Variants in MGAT1 observed in about 807,000 individuals in gnomAD.
MGAT1 encodes N-glycosyl-oligosaccharide-glycoprotein N-acetylglucosaminyltransferase I.
MGAT1 carries 14 observed loss-of-function variants against 31.7 expected under a neutral mutation model. The observed-to-expected ratio is 0.44, with a 90% CI of 0.29 to 0.69. The LOEUF (loss-of-function observed/expected upper bound fraction) is 0.69, where lower values mean the gene tolerates loss of function less well. Ranked by LOEUF, MGAT1 falls within the 30% of genes least tolerant of loss-of-function variation. The probability of loss-of-function intolerance (pLI) is 0.12; values close to 1 mark genes in which losing one functional copy is unlikely to be tolerated. For missense variants in MGAT1, 557 were observed against 626.0 expected, an observed-to-expected ratio of 0.89 and a Z score of 1.18; for synonymous variants, 338 against 276.0, an observed-to-expected ratio of 1.22 and a Z score of -2.23.
chr5:180,799,109 G>A (rs1247323901), intron 1 of MGAT1, among the ~76,000 whole-genome samples: 1 of 152,120 alleles, frequency 6.6e-6, no homozygotes, highest in African/African-American at 2.4e-5. Context: ...TTCCTGACAA[G>A]TACACCTGGT....
intron 1 of MGAT1, among the ~76,000 whole-genome samples, chr5:180,794,688 GTGC>G (rs74635234): frequency 0.12 from 18,869 of 152,066 alleles, 1,237 homozygotes; most frequent in East Asian, 0.24. Flanking sequence ...CTGTGTGGTG[GTGC>G]TGCCGGAGGT....
chr5:180,811,157 A>G (rs2113606238), intron 1 of MGAT1: 1 of 152,288 alleles, frequency 6.6e-6, no homozygotes, highest in African/African-American at 2.4e-5. Context: ...CTGGGGATGG[A>G]TTTGCAGCCT....
At chr5:180,815,272 A>G (rs1772806585) in intron 1 of MGAT1, 1 of 151,472 alleles carries the variant, frequency 6.6e-6, no homozygotes, top group Non-Finnish European at 1.5e-5. Context: ...CCACCTCTCC[A>G]TGCTGCCACT....
intron 1 of MGAT1, chr5:180,810,533 G>C (rs945819707): frequency 6.6e-6 from 1 of 152,524 alleles, no homozygotes; most frequent in South Asian, 2.1e-4. Flanking sequence ...GTTGGCCCTT[G>C]GGGTGCTGGG....
chr5:180,808,648 C>G (rs1452550916), exon 2 of MGAT1: 1 of 152,252 alleles, frequency 6.6e-6, no homozygotes, highest in Non-Finnish European at 1.5e-5. Flanking sequence ...GGAGCCTTAC[C>G]TTTCTTCTCT....
chr5:180,795,516 T>C (rs1769172056), intron 1 of MGAT1: 1 of 152,144 alleles, frequency 6.6e-6, no homozygotes, highest in Non-Finnish European at 1.5e-5. Context: ...ACTGAAGTAT[T>C]GAGAAGTAGA....
At chr5:180,799,916 G>GT (rs1407372079) in intron 1 of MGAT1, among the ~76,000 whole-genome samples, 1 of 152,052 alleles carries the variant, frequency 6.6e-6, no homozygotes, top group Non-Finnish European at 1.5e-5. Context: ...ACATGGACAG[G>GT]ACCCCCATAG....
At chr5:180,794,133 C>A (rs1768816023) in intron 1 of MGAT1, among the ~76,000 whole-genome samples, 1 of 151,472 alleles carries the variant, frequency 6.6e-6, no homozygotes, top group Non-Finnish European at 1.5e-5. Flanking sequence ...AATCCCAGCA[C>A]TTTGGGAGGC....
intron 1 of MGAT1, among the ~76,000 whole-genome samples, chr5:180,798,306 C>T (rs1212601039): frequency 6.6e-6 from 1 of 152,222 alleles, no homozygotes; most frequent in East Asian, 1.9e-4. Flanking sequence ...GCCAAGCCTA[C>T]CGTCGGGGTC....
upstream of MGAT1, among the ~76,000 whole-genome samples, chr5:180,803,100 C>T (rs1163059136): frequency 1.3e-5 from 2 of 152,134 alleles, no homozygotes; most frequent in Non-Finnish European, 2.9e-5. Context: ...AGCGCAGCTG[C>T]CCAGCCTGGA....
Position 180,791,406 on chromosome 5 carries a change from G to A in MGAT1, c.*228C>T. 1 of 619,716 alleles carries A rather than the reference G, an allele frequency of 1.6e-6. No individual in the cohort carries two copies. Among genetic ancestry groups the A allele is most frequent in the Non-Finnish European group, 2.8e-6 (1 of 358,800 alleles). 38.4% of individuals were successfully genotyped at this position (619,716 alleles called of 1,614,324 possible). On this transcript the variant is annotated 3_prime_UTR_variant, in exon 2 of 2. Coordinates refer to ENST00000307826, the MANE Select transcript of MGAT1 (RefSeq NM_002406.4). ...GCCCCCCACCACACAGTGGTTTCCT[G>A]CTTAATACCCCGCAACATACCCTAG...
chr5:180,804,138 C>A (rs1291556913), upstream of MGAT1, among the ~76,000 whole-genome samples: 1 of 116,864 alleles, frequency 8.6e-6, no homozygotes, highest in Non-Finnish European at 1.9e-5. Context: ...AGGGGCCTCA[C>A]GGGCCAAACC....
At chr5:180,804,440 G>C (rs1210724798), upstream of MGAT1, among the ~76,000 whole-genome samples, 1 of 152,182 alleles carries the variant, frequency 6.6e-6, no homozygotes, top group Non-Finnish European at 1.5e-5. Context: ...AGTGGGAGAA[G>C]GGCAGGCCCA....
At chr5:180,802,184 G>A (rs1358099646) in intron 1 of MGAT1, among the ~76,000 whole-genome samples, 1 of 152,116 alleles carries the variant, frequency 6.6e-6, no homozygotes, top group African/African-American at 2.4e-5. Context: ...GCACGTCCCG[G>A]GGCTCTCTAC....
intron 1 of MGAT1, among the ~76,000 whole-genome samples, chr5:180,793,320 C>A (rs972061484): frequency 5.4e-4 from 82 of 152,220 alleles, no homozygotes; most frequent in African/African-American, 2.0e-3. Context: ...AGAAAAAGAA[C>A]CCCAACTCCC....
At chr5:180,812,620 CAG>C (rs1380023530) in intron 1 of MGAT1, among the ~76,000 whole-genome samples, 1 of 152,122 alleles carries the variant, frequency 6.6e-6, no homozygotes, top group African/African-American at 2.4e-5. Context: ...AGTCCAAAGA[CAG>C]ATATTCCTGA....
Position 180,791,884 on chromosome 5 carries a change from T to C in MGAT1, c.1088A>G (p.Tyr363Cys). The change falls in exon 2 of 2, where the codon TAC becomes TGC. Residue 363 changes from tyrosine to cysteine, a missense_variant. Physicochemically the swap from Tyr to Cys is radical, Grantham distance 194. This residue lies in a region of MGAT1 where 145 missense variants were observed against 143.2 expected (regional missense o/e 1.01). Transcript: ENST00000307826. ...CTCCACCTGCAGCTGGGGAGCACCG[T>C]AGACGCGGGCGAGGAAATCTCGGTC... ...AYDRDFLARV[Y>C]GAPQLQVEKV... 6.2e-7 allele frequency: 1 copy of C among 1,614,188 alleles called. No individual in the cohort carries two copies. The highest frequency in any genetic ancestry group is 8.5e-7 in the Non-Finnish European group (1 of 1,180,036).
Position 180,790,571 on chromosome 5 carries a change from G to A in MGAT1, c.*1063C>T, listed in dbSNP as rs867875470. On this transcript the variant is annotated 3_prime_UTR_variant, in exon 2 of 2. Transcript: ENST00000307826. ...TTCAGACAATTCAGCCTTTATTTTA[G>A]AAAATAATTCTGTAGCTTCCACTTT... is the stretch of plus-strand genomic sequence containing the variant. The A allele has an allele frequency of 2.6e-5, 4 of 152,166 alleles. No homozygotes were observed. Among genetic ancestry groups the A allele is most frequent in the Admixed American group, 1.3e-4 (2 of 15,272 alleles). 9.4% of individuals were successfully genotyped at this position (152,166 alleles called of 1,614,324 possible).
Position 180,789,715 on chromosome 5 carries a change from C to T in MGAT1, c.*1919G>A, listed in dbSNP as rs1398374129. The T allele has an allele frequency of 1.3e-5, 2 of 152,262 alleles. No homozygotes were observed. Among genetic ancestry groups the T allele is most frequent in the East Asian group, 3.9e-4 (2 of 5,194 alleles). The allele number at this position is 152,262 out of a possible 1,614,324, so 9.4% of individuals were successfully genotyped here. ...TGATCTTGGATTACTGCAACCTCTG[C>T]CTCCCGGGTTCAAGTGATTCTCCAG... On this transcript the variant is annotated 3_prime_UTR_variant, in exon 2 of 2. Coordinates refer to ENST00000307826, the MANE Select transcript of MGAT1 (RefSeq NM_002406.4).
Sources: gnomAD v4.1 joint callset for allele counts (sites outside exome capture counted in the v4.1 genomes callset) on GRCh38, gnomAD v4.1.1 for gene constraint, gnomAD v4.1.1 regional missense constraint, MANE v1.5 for transcripts, NCBI Gene and HGNC (gene_info 2026-07-23, HGNC 2026-07-21) for gene names.